The following ZMIZ1 variants were observed in gnomAD, a reference collection of about 807,000 sequenced individuals.
ZMIZ1 encodes zinc finger MIZ domain-containing protein 1.
ZMIZ1 carries 17 observed loss-of-function variants against 113.9 expected under a neutral mutation model. That is an observed-to-expected ratio of 0.15 (90% CI 0.10 to 0.22). The LOEUF is 0.22. ZMIZ1 is among the 10% of genes least tolerant of loss of function. The probability of loss-of-function intolerance (pLI) is 1.00; values close to 1 mark genes in which losing one functional copy is unlikely to be tolerated. For missense variants in ZMIZ1, 1,059 were observed against 1,477.8 expected (o/e 0.72, Z 4.65); for synonymous variants, 607 against 603.1 (o/e 1.01, Z -0.09).
intron 1 of ZMIZ1, among the ~76,000 whole-genome samples, chr10:79,102,544 G>T (rs930829621): frequency 1.3e-5 from 2 of 152,248 alleles, no homozygotes; most frequent in Admixed American, 1.3e-4. Flanking sequence ...GGTTTTCAAA[G>T]AGGCAGCATT....
At chr10:79,175,328 C>T (rs993463162) in intron 4 of ZMIZ1, among the ~76,000 whole-genome samples, 3 of 152,240 alleles carry the variant, frequency 2.0e-5, no homozygotes, top group African/African-American at 4.8e-5. Context: ...CTGCCTCTGG[C>T]TCTGGCTCTG....
At chr10:79,283,971 A>G (rs1338199673) in intron 8 of ZMIZ1, among the ~76,000 whole-genome samples, 1 of 152,246 alleles carries the variant, frequency 6.6e-6, no homozygotes, top group Non-Finnish European at 1.5e-5. Context: ...TGGCTGGATC[A>G]GGGAAATTAA....
intron 4 of ZMIZ1, among the ~76,000 whole-genome samples, chr10:79,195,390 T>C (rs1004826406): frequency 1.3e-5 from 2 of 151,850 alleles, no homozygotes; most frequent in Admixed American, 1.3e-4. Context: ...GGGATGGGGG[T>C]AGCCTGCTTG....
chr10:79,119,086 T>C (rs968914731), intron 2 of ZMIZ1, 62 bp downstream of exon 2: 2 of 151,900 alleles, frequency 1.3e-5, no homozygotes, highest in Non-Finnish European at 2.9e-5. Context: ...AGACAGGGAG[T>C]GCGGGCTGCC....
chr10:79,219,990 C>T (rs1055749597), intron 7 of ZMIZ1, among the ~76,000 whole-genome samples: 6 of 152,108 alleles, frequency 3.9e-5, no homozygotes, highest in African/African-American at 9.7e-5. Context: ...CTCTACCTGG[C>T]GGTTTTATTT....
chr10:79,230,685 G>A (rs1344536231), intron 7 of ZMIZ1, among the ~76,000 whole-genome samples: 5 of 152,218 alleles, frequency 3.3e-5, no homozygotes, highest in Admixed American at 6.5e-5. Flanking sequence ...TGGGGAAGCC[G>A]GGAAGCCAGC....
In ZMIZ1 at chr10:79,300,775, C is replaced by G. The variant is rs1330300644; in HGVS notation, c.1852C>G (p.Arg618Gly). ...GTTCAAGTGCTACCACCACGAGGAC[C>G]GGCAGATGAACACCAACTGGCCCGC... Reference protein sequence around the residue: ...LQFKCYHHEDRQMNTNWPASV... With the variant: ...LQFKCYHHEDGQMNTNWPASV... Residue 618 changes from arginine to glycine, a missense_variant, in exon 17 of 25, where the codon CGG becomes GGG. By Grantham distance (125) the Arg-to-Gly change is moderately radical (BLOSUM62 -2). This residue lies in a region of ZMIZ1 where 217 missense variants were observed against 426.9 expected (regional missense o/e 0.51). Coordinates refer to ENST00000334512, the MANE Select transcript of ZMIZ1 (RefSeq NM_020338.4). 5 of 1,613,970 alleles carry G rather than the reference C, an allele frequency of 3.1e-6. No homozygotes were observed. Among genetic ancestry groups the G allele is most frequent in the Non-Finnish European group, 4.2e-6 (5 of 1,180,004 alleles).
chr10:79,269,209 C>CA (rs1303190436), intron 7 of ZMIZ1, among the ~76,000 whole-genome samples: 1 of 152,172 alleles, frequency 6.6e-6, no homozygotes, highest in African/African-American at 2.4e-5. Context: ...GCTGCTACTT[C>CA]AGAGGGTCTT....
At chr10:79,122,953 G>A (rs1844362058) in intron 2 of ZMIZ1, among the ~76,000 whole-genome samples, 1 of 152,194 alleles carries the variant, frequency 6.6e-6, no homozygotes. Flanking sequence ...GCTGAAGAGG[G>A]CCTGGTAGAG....
chr10:79,139,025 CTT>C (rs1201290866), intron 2 of ZMIZ1, among the ~76,000 whole-genome samples: 1 of 152,178 alleles, frequency 6.6e-6, no homozygotes, highest in Non-Finnish European at 1.5e-5. Context: ...CACCAGGACT[CTT>C]TTCTGCTTTA....
chr10:79,203,777 C>G (rs983043552), intron 5 of ZMIZ1, among the ~76,000 whole-genome samples: 4 of 152,240 alleles, frequency 2.6e-5, no homozygotes, highest in Non-Finnish European at 4.4e-5. Flanking sequence ...AACTATGCAG[C>G]CTTAAGTTGC....
At chr10:79,264,522 AGCTCCTCCGCCATT>A (rs1851471225) in intron 7 of ZMIZ1, among the ~76,000 whole-genome samples, 1 of 152,080 alleles carries the variant, frequency 6.6e-6, no homozygotes, top group African/African-American at 2.4e-5. Flanking sequence ...GGTGGTCTAG[AGCTCCTCCGCCATT>A]GCCCTGCCGC....
intron 8 of ZMIZ1, among the ~76,000 whole-genome samples, chr10:79,283,998 C>T (rs943994990): frequency 6.6e-6 from 1 of 152,150 alleles, no homozygotes; most frequent in African/African-American, 2.4e-5. Context: ...TCTGACAATA[C>T]CCTTAATGGA....
chr10:79,076,645 T>A (rs1842485116), intron 1 of ZMIZ1, among the ~76,000 whole-genome samples: 2 of 152,116 alleles, frequency 1.3e-5, no homozygotes, highest in Admixed American at 6.5e-5. Flanking sequence ...ACCAGCCTGG[T>A]CAAAGTAGTG....
At chr10:79,160,737 C>A (rs1846081312) in intron 3 of ZMIZ1, among the ~76,000 whole-genome samples, 1 of 152,254 alleles carries the variant, frequency 6.6e-6, no homozygotes, top group South Asian at 2.1e-4. Flanking sequence ...GGAGCCCAGG[C>A]TGAGGCCCTT....
chr10:79,129,178 A>G (rs1322467294), intron 2 of ZMIZ1, among the ~76,000 whole-genome samples: 2 of 152,220 alleles, frequency 1.3e-5, no homozygotes, highest in Non-Finnish European at 2.9e-5. Context: ...CCTCCCAGCA[A>G]CCATACACAA....
At chr10:79,086,355 A>G (rs113019821) in intron 1 of ZMIZ1, among the ~76,000 whole-genome samples, 73 of 152,264 alleles carry the variant, frequency 4.8e-4, no homozygotes, top group African/African-American at 1.6e-3. Context: ...CAAGACCTGG[A>G]GCAGAGAAGG....
At chr10:79,175,594 G>GTGTGTGTGTGTA in intron 4 of ZMIZ1, among the ~76,000 whole-genome samples, 2 of 107,578 alleles carry the variant, frequency 1.9e-5, no homozygotes, top group African/African-American at 1.2e-4. Context: ...GTGTGTGTGT[G>GTGTGTGTGTGTA]TGTGTGTGTG....
intron 3 of ZMIZ1, among the ~76,000 whole-genome samples, chr10:79,148,690 A>G (rs777196371): frequency 6.6e-6 from 1 of 152,182 alleles, no homozygotes; most frequent in Non-Finnish European, 1.5e-5. Flanking sequence ...AATGCTGCCT[A>G]GGCCTGTATG....
Sources: gnomAD v4.1 joint callset for allele counts (sites outside exome capture counted in the v4.1 genomes callset) on GRCh38, gnomAD v4.1.1 for gene constraint, gnomAD v4.1.1 regional missense constraint, MANE v1.5 for transcripts, NCBI Gene and HGNC (gene_info 2026-07-23, HGNC 2026-07-21) for gene names.